Variants in PRKN observed in about 807,000 individuals in gnomAD.
PRKN encodes E3 ubiquitin-protein ligase parkin.
A neutral mutation model predicts 59.5 loss-of-function variants in PRKN; 56 were observed. The ratio of observed to expected loss-of-function variants is 0.94; its 90% confidence interval spans 0.76 to 1.18. The LOEUF is 1.18. PRKN is among the 50% of genes most tolerant of loss of function. The probability of loss-of-function intolerance (pLI) is 0.00; values close to 1 mark genes in which losing one functional copy is unlikely to be tolerated. For missense variants in PRKN, 657 were observed against 596.4 expected (o/e 1.10, Z -1.06); for synonymous variants, 250 against 222.1 (o/e 1.13, Z -1.12).
In PRKN at chr6:161,400,699, C is replaced by T. The variant is rs976119382; in HGVS notation, c.1084-13822G>A. Among the ~76,000 whole-genome samples the T allele has an allele frequency of 4.6e-5, 7 of 151,712 alleles. No homozygotes were observed. Among genetic ancestry groups the T allele is most frequent in the Admixed American group, 6.6e-5 (1 of 15,222 alleles). ...GCTGTGTTTATTTTCAGCCTTTGGA[C>T]GACCCATATGAGTTTCACTTCACAC... On this transcript the variant is annotated intron_variant, in intron 9 of 11. Coordinates refer to ENST00000366898, the MANE Select transcript of PRKN (RefSeq NM_004562.3). This position sits in a 1 kb window ranked among gnomAD's most constrained non-coding sequence, Gnocchi z 4.2.
Position 161,742,703 on chromosome 6 carries a change from A to G in PRKN, c.871+43069T>C, listed in dbSNP as rs578085578. Among the ~76,000 whole-genome samples, 56 of 152,326 alleles carry G rather than the reference A, an allele frequency of 3.7e-4. 2 individuals are homozygous for G. In the South Asian group the frequency reaches 0.011, roughly 29 times the overall value. On this transcript the variant is annotated intron_variant, in intron 7 of 11. Coordinates refer to ENST00000366898, the MANE Select transcript of PRKN (RefSeq NM_004562.3). Reference sequence around the variant, plus strand: ...GAAAACAGAAGTGATAAAGAAAGCTAGTTTTTATGGAGCCTCTCTAATCAC... The same window carrying G: ...GAAAACAGAAGTGATAAAGAAAGCTGGTTTTTATGGAGCCTCTCTAATCAC...
chr6:161,547,709 G>A lies in PRKN; in HGVS notation c.1083+1145C>T, dbSNP rs901946065. Among the ~76,000 whole-genome samples, 6 of 152,226 alleles carry A rather than the reference G, an allele frequency of 3.9e-5. No individual in the cohort carries two copies. Among genetic ancestry groups the A allele is most frequent in the African/African-American group, 1.2e-4 (5 of 41,454 alleles). ...GCTGAGGCCACACACAATCATTGCA[G>A]ATAATTCAGCACATGATAATGACTA... On this transcript the variant is annotated intron_variant, in intron 9 of 11. Transcript: ENST00000366898. The surrounding 1 kb of genome is among the most constrained non-coding windows in gnomAD (Gnocchi z 4.0).
chr6:161,549,143 G>A lies in PRKN; in HGVS notation c.934-140C>T, dbSNP rs919986324. ...ATGTGTGTGTGTGTGTGTGTGTGTA[G>A]GGGGAGGGAGAGGGCCACGGGGTTG... On this transcript the variant is annotated intron_variant, in intron 8 of 11. Transcript: ENST00000366898. This position sits in a 1 kb window ranked among gnomAD's most constrained non-coding sequence, Gnocchi z 6.0. The A allele has an allele frequency of 1.1e-6, 1 of 876,080 alleles. No individual in the cohort carries two copies. The highest frequency in any genetic ancestry group is 2.6e-5 in the East Asian group (1 of 37,928). The allele number at this position is 876,080 out of a possible 1,614,324, so 54.3% of individuals were successfully genotyped here. A position where few individuals can be genotyped will look rare whatever the true frequency, so the allele number is the denominator to read the frequency against.
chr6:161,524,487 G>A (rs1043585578), intron 9 of PRKN, among the ~76,000 whole-genome samples: 2 of 152,032 alleles, frequency 1.3e-5, no homozygotes, highest in African/African-American at 4.8e-5. Context: ...CTAGAACTAC[G>A]GCTGCATGCC....
At chr6:162,031,520 TC>T (rs1783638684) in intron 5 of PRKN, among the ~76,000 whole-genome samples, 1 of 148,878 alleles carries the variant, frequency 6.7e-6, no homozygotes, top group African/African-American at 2.6e-5. Context: ...GAGTCACTTT[TC>T]TTTTTCTTTT....
Position 161,417,465 on chromosome 6 carries a change from A to G in PRKN, c.1084-30588T>C, listed in dbSNP as rs913130266. Among the ~76,000 whole-genome samples the G allele has an allele frequency of 6.6e-6, 1 of 151,298 alleles. No individual in the cohort carries two copies. Among genetic ancestry groups the G allele is most frequent in the Non-Finnish European group, 1.5e-5 (1 of 67,842 alleles). On this transcript the variant is annotated intron_variant, in intron 9 of 11. Transcript: ENST00000366898. This position sits in a 1 kb window ranked among gnomAD's most constrained non-coding sequence, Gnocchi z 5.4. ...CGCCGTTTCAAAAAAAAAAAAAAAA[A>G]GTCATCTAATGCCTCCAAGACCACA...
intron 1 of PRKN, among the ~76,000 whole-genome samples, chr6:162,640,369 T>C (rs1777914800): frequency 6.6e-6 from 1 of 152,160 alleles, no homozygotes; most frequent in African/African-American, 2.4e-5. Context: ...ATAACTATAT[T>C]GCCAAGTCAA....
intron 7 of PRKN, among the ~76,000 whole-genome samples, chr6:161,732,130 A>T (rs1304643757): frequency 6.7e-6 from 1 of 149,164 alleles, no homozygotes; most frequent in Non-Finnish European, 1.5e-5. Context: ...TCTGTCACCC[A>T]CGCTGGAGTG....
chr6:161,477,510 CAAAAA>C (rs55713712), intron 9 of PRKN, among the ~76,000 whole-genome samples: 1 of 124,334 alleles, frequency 8.0e-6, no homozygotes. Flanking sequence ...AACTCCATCT[CAAAAA>C]AAAAAAAAAA....
chr6:162,521,030 A>G (rs1461322581), intron 1 of PRKN, among the ~76,000 whole-genome samples: 2 of 152,070 alleles, frequency 1.3e-5, no homozygotes, highest in African/African-American at 4.8e-5. Flanking sequence ...CATGATTAAT[A>G]TTTTTTTCCA....
At chr6:162,342,487 T>C (rs1784222271) in intron 2 of PRKN, among the ~76,000 whole-genome samples, 1 of 152,122 alleles carries the variant, frequency 6.6e-6, no homozygotes, top group Non-Finnish European at 1.5e-5. Flanking sequence ...ATGATAAATA[T>C]TATAGGGTGA....
At chr6:162,140,340 A>C (rs922706744) in intron 4 of PRKN, among the ~76,000 whole-genome samples, 5 of 152,034 alleles carry the variant, frequency 3.3e-5, no homozygotes, top group African/African-American at 1.2e-4. Context: ...CAAACACACG[A>C]CTCTTTCAAT....
Position 162,324,552 on chromosome 6 carries a change from G to C in PRKN, c.172-61787C>G, listed in dbSNP as rs190093626. Among the ~76,000 whole-genome samples the C allele has an allele frequency of 3.3e-5, 5 of 152,220 alleles. No homozygotes were observed. In the East Asian group the frequency reaches 7.7e-4, roughly 24 times the overall value. On this transcript the variant is annotated intron_variant, in intron 2 of 11. Coordinates refer to ENST00000366898, the MANE Select transcript of PRKN (RefSeq NM_004562.3). ...AAGGAGATACTGGAAATCTTGAACA[G>C]TATCAGTAATGCTTTGCTAAGCACT...
chr6:161,618,905 A>T (rs998627540), intron 7 of PRKN, among the ~76,000 whole-genome samples: 10 of 152,142 alleles, frequency 6.6e-5, no homozygotes, highest in Non-Finnish European at 1.5e-5. Context: ...AGAAACCACA[A>T]AGGGCGCCAT....
At chr6:162,268,280 A>G (rs1583291772) in intron 2 of PRKN, among the ~76,000 whole-genome samples, 2 of 152,278 alleles carry the variant, frequency 1.3e-5, no homozygotes, top group South Asian at 2.1e-4. Context: ...AGGTGATTAA[A>G]TCATGATGGG....
intron 1 of PRKN, among the ~76,000 whole-genome samples, chr6:162,489,633 G>A (rs1392148518): frequency 1.3e-5 from 2 of 152,184 alleles, no homozygotes; most frequent in East Asian, 3.9e-4. Context: ...TTTCAAAGGA[G>A]TTATAAGTAT....
intron 2 of PRKN, among the ~76,000 whole-genome samples, chr6:162,294,030 C>G (rs959824507): frequency 1.3e-5 from 2 of 152,050 alleles, no homozygotes; most frequent in Non-Finnish European, 2.9e-5. Context: ...TGGCAGGACC[C>G]TGGAAACAAG....
chr6:161,900,508 T>TAATATAA (rs1777850470), intron 6 of PRKN, among the ~76,000 whole-genome samples: 1 of 139,038 alleles, frequency 7.2e-6, no homozygotes, highest in Non-Finnish European at 1.5e-5. Context: ...TTATAATATA[T>TAATATAA]ATTATATATA....
intron 6 of PRKN, among the ~76,000 whole-genome samples, chr6:161,933,055 G>C (rs561299769): frequency 6.6e-6 from 1 of 152,114 alleles, no homozygotes; most frequent in Non-Finnish European, 1.5e-5. Flanking sequence ...GGAGGCAGGC[G>C]GATCACCTGA....
Sources: allele counts gnomAD v4.1 joint callset (sites outside exome capture counted in the v4.1 genomes callset), GRCh38; gene constraint gnomAD v4.1.1; non-coding constraint Gnocchi (gnomAD v3.1); transcripts MANE v1.5; gene names NCBI Gene and HGNC (gene_info 2026-07-23, HGNC 2026-07-21).